Variants in CNTNAP5 observed in about 807,000 individuals in gnomAD.
The protein encoded by CNTNAP5 is contactin-associated protein-like 5.
In CNTNAP5, 72 loss-of-function variants were observed where a neutral mutation model predicts 150.2. That is an observed-to-expected ratio of 0.48 (90% CI 0.40 to 0.58). CNTNAP5 has a LOEUF of 0.58. Among genes scored for constraint, CNTNAP5 ranks in the 20% least tolerant of loss-of-function variants. The pLI is 0.00. For missense variants in CNTNAP5, 1,636 were observed against 1,626.2 expected (o/e 1.01, Z -0.10); for synonymous variants, 672 against 619.8 (o/e 1.08, Z -1.25).
At position 124,914,256 on chromosome 2, in the gene CNTNAP5, G is replaced by A; in HGVS notation, c.3892G>A (p.Val1298Met). 6.2e-7 allele frequency: 1 copy of A among 1,612,190 alleles called. No individual in the cohort carries two copies. The highest frequency in any genetic ancestry group is 8.5e-7 in the Non-Finnish European group (1 of 1,178,816). ...AAATGAAATTGACTTGCAAAACACA[G>A]TGAGCGAGTGTAAACGGGAATATTT... The part of the protein sequence containing the change: ...FRNEIDLQNT[V>M]SECKREYFI The change falls in exon 24 of 24, where the codon GTG becomes ATG. Residue 1298 changes from valine (V) to methionine (M), a missense_variant. Coordinates refer to ENST00000682447, the MANE Select transcript of CNTNAP5 (RefSeq NM_001367498.1).
At chr2:124,851,856 T>G (rs1243990353) in intron 19 of CNTNAP5, among the ~76,000 whole-genome samples, 2 of 152,222 alleles carry the variant, frequency 1.3e-5, no homozygotes, top group Non-Finnish European at 2.9e-5. Context: ...GGTTTGTGTT[T>G]TCTTCCACCA....
intron 7 of CNTNAP5, among the ~76,000 whole-genome samples, chr2:124,502,797 G>T (rs972061331): frequency 6.6e-6 from 1 of 152,104 alleles, no homozygotes; most frequent in South Asian, 2.1e-4. Flanking sequence ...TTAAATGGTA[G>T]CACTCAGTGC....
chr2:124,397,700 G>A (rs1691288592), intron 3 of CNTNAP5, among the ~76,000 whole-genome samples: 1 of 152,142 alleles, frequency 6.6e-6, no homozygotes. Context: ...TTTAATAGAT[G>A]AATAGACTAA....
At chr2:124,236,113 A>G (rs1387052897) in intron 2 of CNTNAP5, among the ~76,000 whole-genome samples, 1 of 152,054 alleles carries the variant, frequency 6.6e-6, no homozygotes, top group African/African-American at 2.4e-5. Flanking sequence ...TTACAGGCAC[A>G]CATCACCATG....
chr2:124,161,378 G>A (rs1192475516), intron 1 of CNTNAP5, among the ~76,000 whole-genome samples: 1 of 152,082 alleles, frequency 6.6e-6, no homozygotes, highest in African/African-American at 2.4e-5. Context: ...TTTGGATTTG[G>A]AGAAAATAAA....
At chr2:124,770,082 A>G (rs1362620151) in intron 16 of CNTNAP5, among the ~76,000 whole-genome samples, 3 of 152,210 alleles carry the variant, frequency 2.0e-5, no homozygotes, top group Non-Finnish European at 4.4e-5. Context: ...GTTAAATAAT[A>G]ATAATTTTAA....
At chr2:124,543,942 T>C (rs1461990612) in intron 10 of CNTNAP5, among the ~76,000 whole-genome samples, 1 of 137,718 alleles carries the variant, frequency 7.3e-6, no homozygotes, top group African/African-American at 2.7e-5. Flanking sequence ...TTGGACCAGA[T>C]GCTAGCTAGT....
intron 3 of CNTNAP5, among the ~76,000 whole-genome samples, chr2:124,259,787 T>C (rs1687406440): frequency 1.3e-5 from 2 of 152,012 alleles, no homozygotes; most frequent in Admixed American, 6.6e-5. Flanking sequence ...GAGAATAAAA[T>C]ACCTAGGAAT....
At chr2:124,320,424 TAA>T (rs1359595258) in intron 3 of CNTNAP5, among the ~76,000 whole-genome samples, 3 of 152,190 alleles carry the variant, frequency 2.0e-5, no homozygotes, top group Admixed American at 2.0e-4. Context: ...ACTTGTTGAA[TAA>T]AGTGTCTAAC....
rs568761083 is a variant in CNTNAP5, at chr2:124,615,535, T to C, written c.1876+5615T>C. 5.9e-5 allele frequency among the ~76,000 whole-genome samples: 9 copies of C among 152,312 alleles called. No homozygotes were observed. In the South Asian group the frequency reaches 1.7e-3, roughly 28 times the overall value. ...GTTCCACTTCTAATTCTAGTTCTGT[T>C]GCTATTTCCACCAAATCTGCAGTTA... On this transcript the variant is annotated intron_variant, in intron 12 of 23. Coordinates refer to ENST00000682447, the MANE Select transcript of CNTNAP5 (RefSeq NM_001367498.1).
At chr2:124,157,136 G>T (rs1192013831) in intron 1 of CNTNAP5, among the ~76,000 whole-genome samples, 1 of 151,626 alleles carries the variant, frequency 6.6e-6, no homozygotes, top group Non-Finnish European at 1.5e-5. Flanking sequence ...AAGTCTTTGA[G>T]GATTCTTAAC....
At chr2:124,545,012 C>A (rs1695480224) in intron 10 of CNTNAP5, among the ~76,000 whole-genome samples, 1 of 152,090 alleles carries the variant, frequency 6.6e-6, no homozygotes, top group African/African-American at 2.4e-5. Flanking sequence ...ATTACTAGAT[C>A]AAAATGTCAA....
chr2:124,594,141 T>C (rs2104963767), intron 11 of CNTNAP5, among the ~76,000 whole-genome samples: 1 of 131,252 alleles, frequency 7.6e-6, no homozygotes. Flanking sequence ...TTTAGTTTAA[T>C]TAGATCCCAT....
chr2:124,541,325 C>T (rs566269900), intron 10 of CNTNAP5, among the ~76,000 whole-genome samples: 59 of 151,832 alleles, frequency 3.9e-4, no homozygotes, highest in African/African-American at 1.3e-3. Flanking sequence ...CCACCACCTC[C>T]CATCCCTTCC....
intron 11 of CNTNAP5, among the ~76,000 whole-genome samples, chr2:124,578,818 A>G (rs1291457049): frequency 6.6e-6 from 1 of 151,854 alleles, no homozygotes; most frequent in Non-Finnish European, 1.5e-5. Context: ...AATAAATGAG[A>G]CAACAGCATC....
At chr2:124,791,245 C>T (rs187675857) in intron 18 of CNTNAP5, among the ~76,000 whole-genome samples, 133 of 152,320 alleles carry the variant, frequency 8.7e-4, no homozygotes, top group Admixed American at 2.0e-3. Flanking sequence ...GCCCTCCGTT[C>T]ATTCATACAG....
intron 4 of CNTNAP5, among the ~76,000 whole-genome samples, chr2:124,434,281 C>T (rs1175602564): frequency 6.6e-6 from 1 of 152,180 alleles, no homozygotes; most frequent in African/African-American, 2.4e-5. Context: ...CACTTTGACT[C>T]AGTGTGTGGT....
At chr2:124,431,145 G>A (rs1245772178) in intron 4 of CNTNAP5, among the ~76,000 whole-genome samples, 1 of 152,100 alleles carries the variant, frequency 6.6e-6, no homozygotes, top group African/African-American at 2.4e-5. Flanking sequence ...TTTTCTCTAG[G>A]TCTCATGACA....
intron 3 of CNTNAP5, among the ~76,000 whole-genome samples, chr2:124,350,867 T>C (rs1448409001): frequency 6.6e-6 from 1 of 151,892 alleles, no homozygotes; most frequent in Admixed American, 6.6e-5. Context: ...CTTTAAAGCC[T>C]TTTTTTTCGG....
Sources: allele counts gnomAD v4.1 joint callset (sites outside exome capture counted in the v4.1 genomes callset), GRCh38; gene constraint gnomAD v4.1.1; transcripts MANE v1.5; gene names NCBI Gene and HGNC (gene_info 2026-07-23, HGNC 2026-07-21).